Variants in SPATA17 observed in about 807,000 individuals in gnomAD.
SPATA17 encodes spermatogenesis-associated protein 17.
A neutral mutation model predicts 62.2 loss-of-function variants in SPATA17; 53 were observed. The ratio of observed to expected loss-of-function variants is 0.85; its 90% CI spans 0.68 to 1.07. The LOEUF (loss-of-function observed/expected upper bound fraction) is 1.07. Among genes scored for constraint, SPATA17 ranks in the 50% least tolerant of loss-of-function variants. SPATA17 has a pLI of 0.00. For missense variants in SPATA17, 466 were observed against 425.5 expected (o/e 1.10, Z -0.84); for synonymous variants, 146 against 146.8 (o/e 0.99, Z 0.04).
chr1:217,722,638 A>C (rs1571758413), intron 5 of SPATA17, among the ~76,000 whole-genome samples: 1 of 152,324 alleles, frequency 6.6e-6, no homozygotes, highest in East Asian at 1.9e-4. Flanking sequence ...TCTTCAAAGA[A>C]TAAATCTTTT....
intron 9 of SPATA17, among the ~76,000 whole-genome samples, chr1:217,859,274 A>G (rs1168444664): frequency 1.4e-5 from 2 of 147,750 alleles, no homozygotes; most frequent in Non-Finnish European, 3.0e-5. Context: ...TGTAAAAGTT[A>G]TATCTAAAAA....
At chr1:217,708,064 G>A (rs1434565429) in intron 5 of SPATA17, among the ~76,000 whole-genome samples, 1 of 152,048 alleles carries the variant, frequency 6.6e-6, no homozygotes, top group African/African-American at 2.4e-5. Context: ...CAGTGTCAAG[G>A]GAGAATTTCA....
intron 1 of SPATA17, 106 bp downstream of exon 1, chr1:217,631,552 T>C: frequency 8.6e-7 from 1 of 1,168,168 alleles, no homozygotes; most frequent in Non-Finnish European, 1.3e-6. Flanking sequence ...CCTAATTCAT[T>C]AAGTAGTACC....
intron 3 of SPATA17, among the ~76,000 whole-genome samples, chr1:217,653,073 G>C (rs1312608534): frequency 1.3e-5 from 2 of 152,152 alleles, no homozygotes; most frequent in East Asian, 3.8e-4. Flanking sequence ...GTGATTTTCA[G>C]ATCAGATTAG....
At chr1:217,716,948 G>A (rs73095339) in intron 5 of SPATA17, among the ~76,000 whole-genome samples, 7,333 of 152,254 alleles carry the variant, frequency 0.048, 581 homozygotes, top group African/African-American at 0.16. Context: ...AAAATTCAGG[G>A]TTTAAGTAAA....
chr1:217,748,743 C>CAAA (rs34000760), intron 6 of SPATA17, among the ~76,000 whole-genome samples: 4 of 115,374 alleles, frequency 3.5e-5, no homozygotes, highest in African/African-American at 3.4e-5. Context: ...GACTCTGACT[C>CAAA]AAAAAAAAAA....
At chr1:217,694,354 C>A (rs1671406889) in intron 5 of SPATA17, among the ~76,000 whole-genome samples, 1 of 144,658 alleles carries the variant, frequency 6.9e-6, no homozygotes, top group African/African-American at 2.6e-5. Flanking sequence ...GGTAGATCTT[C>A]CTCCATCCTT....
At chr1:217,759,166 A>G (rs1310404849) in intron 6 of SPATA17, among the ~76,000 whole-genome samples, 1 of 152,150 alleles carries the variant, frequency 6.6e-6, no homozygotes, top group Non-Finnish European at 1.5e-5. Context: ...AGATTACAAA[A>G]AAGTAGATGA....
chr1:217,849,973 T>A (rs767095218), intron 9 of SPATA17, among the ~76,000 whole-genome samples: 18 of 152,124 alleles, frequency 1.2e-4, no homozygotes, highest in Non-Finnish European at 1.9e-4. Flanking sequence ...CTAGTACCAC[T>A]CCCTGTCTGT....
intron 6 of SPATA17, among the ~76,000 whole-genome samples, chr1:217,772,265 G>T (rs1673467295): frequency 6.6e-6 from 1 of 152,044 alleles, no homozygotes. Context: ...GTTATAGTGA[G>T]AACATGTTAA....
intron 7 of SPATA17, among the ~76,000 whole-genome samples, chr1:217,779,904 C>T (rs1325889472): frequency 6.6e-6 from 1 of 151,934 alleles, no homozygotes; most frequent in Non-Finnish European, 1.5e-5. Flanking sequence ...GAAAATACAG[C>T]AGAACATAAA....
At chr1:217,699,786 C>T (rs1191958532) in intron 5 of SPATA17, among the ~76,000 whole-genome samples, 1 of 152,090 alleles carries the variant, frequency 6.6e-6, no homozygotes, top group Non-Finnish European at 1.5e-5. Context: ...TTGTCTGTCC[C>T]TAGATCCCAA....
intron 10 of SPATA17, among the ~76,000 whole-genome samples, chr1:217,864,073 G>A (rs1457021086): frequency 6.6e-6 from 1 of 152,186 alleles, no homozygotes; most frequent in Non-Finnish European, 1.5e-5. Context: ...AGGAATACAT[G>A]AGGGGAAATA....
At chr1:217,804,110 A>G (rs1016997281) in intron 9 of SPATA17, among the ~76,000 whole-genome samples, 7 of 152,224 alleles carry the variant, frequency 4.6e-5, no homozygotes, top group African/African-American at 1.7e-4. Context: ...ATCTTGAGCA[A>G]AAAGACTAAA....
At chr1:217,765,781 G>T (rs1673285500) in intron 6 of SPATA17, among the ~76,000 whole-genome samples, 1 of 151,976 alleles carries the variant, frequency 6.6e-6, no homozygotes, top group Non-Finnish European at 1.5e-5. Context: ...TATAATAGTG[G>T]ATTCATCTAT....
At chr1:217,652,323 C>T (rs1670335911) in intron 3 of SPATA17, among the ~76,000 whole-genome samples, 1 of 152,148 alleles carries the variant, frequency 6.6e-6, no homozygotes, top group African/African-American at 2.4e-5. Context: ...CCTCTGCCTC[C>T]TGGGTTCAAG....
chr1:217,732,876 T>C (rs1672430811), intron 5 of SPATA17, among the ~76,000 whole-genome samples: 1 of 152,162 alleles, frequency 6.6e-6, no homozygotes, highest in Non-Finnish European at 1.5e-5. Flanking sequence ...CACGCATATA[T>C]AAAATTTTAC....
chr1:217,859,842 A>C (rs1675862092), intron 9 of SPATA17, among the ~76,000 whole-genome samples: 2 of 152,244 alleles, frequency 1.3e-5, no homozygotes, highest in South Asian at 4.1e-4. Flanking sequence ...TGATGATTTC[A>C]AGAGCAGGCT....
At chr1:217,808,097 T>G (rs1159987592) in intron 9 of SPATA17, among the ~76,000 whole-genome samples, 1 of 152,112 alleles carries the variant, frequency 6.6e-6, no homozygotes, top group Non-Finnish European at 1.5e-5. Flanking sequence ...AAACAAAGAA[T>G]AGAGTATCTC....
Sources: allele counts gnomAD v4.1 joint callset (sites outside exome capture counted in the v4.1 genomes callset), GRCh38; gene constraint gnomAD v4.1.1; transcripts MANE v1.5; gene names NCBI Gene and HGNC (gene_info 2026-07-23, HGNC 2026-07-21).